TRIM49C: variants seen among roughly 807,000 people sequenced by gnomAD.
TRIM49C encodes tripartite motif-containing protein 49C.
Under a neutral mutation model 21.4 loss-of-function variants are expected in TRIM49C, and 6 were observed. The observed-to-expected ratio is 0.28, with a 90% confidence interval of 0.15 to 0.55. The LOEUF (loss-of-function observed/expected upper bound fraction) is 0.55. Ranked by LOEUF, TRIM49C falls within the 20% of genes least tolerant of loss-of-function variation. The pLI is 0.94. For missense variants in TRIM49C, 161 were observed against 442.4 expected (o/e 0.36, Z 5.71); for synonymous variants, 57 against 148.1 (o/e 0.38, Z 4.47).
the TRIM49C span, among the ~76,000 whole-genome samples, chr11:90,059,976 G>A: frequency 2.9e-5 from 4 of 136,646 alleles, no homozygotes; most frequent in Non-Finnish European, 6.2e-5. Flanking sequence ...GAGTAATTTT[G>A]TATTAAGATC....
chr11:90,062,712 G>C, the TRIM49C span: 1 of 1,492,698 alleles, frequency 6.7e-7, no homozygotes, highest in East Asian at 2.5e-5. Context: ...CTTAGTCTCC[G>C]CATGGAGCAC....
the TRIM49C span, among the ~76,000 whole-genome samples, chr11:90,048,535 C>T: frequency 1.6e-5 from 2 of 127,080 alleles, no homozygotes; most frequent in African/African-American, 6.3e-5. Flanking sequence ...ATCACTGATA[C>T]CCTTTCTTCC....
At chr11:90,054,559 A>T in the TRIM49C span, among the ~76,000 whole-genome samples, 1,606 of 135,726 alleles carry the variant, frequency 0.012, 202 homozygotes, top group Non-Finnish European at 0.017. Context: ...CTCCATAAAA[A>T]ATCTGTAACC....
chr11:90,033,750 C>G (rs1295284104), intron 2 of TRIM49C, among the ~76,000 whole-genome samples: 1 of 132,312 alleles, frequency 7.6e-6, no homozygotes. Flanking sequence ...TCAAGTGCAG[C>G]CTGGCCAAGA....
At chr11:90,069,191 G>A in the TRIM49C span, among the ~76,000 whole-genome samples, 4 of 129,496 alleles carry the variant, frequency 3.1e-5, no homozygotes, top group South Asian at 2.8e-4. Context: ...TGCAAGCTCC[G>A]CCTCCCGGGT....
chr11:90,051,956 T>G, the TRIM49C span: 33 of 1,063,256 alleles, frequency 3.1e-5, 6 homozygotes, highest in Middle Eastern at 5.6e-4. Context: ...CACTTGGGTA[T>G]CTGCAGGTGG....
the TRIM49C span, among the ~76,000 whole-genome samples, chr11:90,067,807 C>A: frequency 2.2e-5 from 3 of 138,734 alleles, 1 homozygote; most frequent in African/African-American, 5.2e-5. Context: ...ATTTAATATT[C>A]ATTAATGGAA....
intron 6 of TRIM49C, among the ~76,000 whole-genome samples, chr11:90,039,264 A>G (rs1426819346): frequency 8.9e-6 from 1 of 112,418 alleles, no homozygotes; most frequent in Non-Finnish European, 1.8e-5. Flanking sequence ...GAGAAAGATA[A>G]GAGTTTTGTT....
the TRIM49C span, among the ~76,000 whole-genome samples, chr11:90,048,533 T>G: frequency 7.9e-6 from 1 of 126,906 alleles, no homozygotes; most frequent in African/African-American, 3.2e-5. Flanking sequence ...CAATCACTGA[T>G]ACCCTTTCTT....
chr11:90,042,551 C>T (rs1365922212), downstream of TRIM49C, among the ~76,000 whole-genome samples: 3 of 122,352 alleles, frequency 2.5e-5, no homozygotes, highest in African/African-American at 9.5e-5. Flanking sequence ...TGCTCACTTT[C>T]ATTAGTCTTA....
the TRIM49C span, among the ~76,000 whole-genome samples, chr11:90,055,076 T>A: frequency 6.8e-6 from 1 of 146,600 alleles, no homozygotes; most frequent in Admixed American, 7.0e-5. Flanking sequence ...TGAATAATTT[T>A]ATCATCTCAG....
rs1202867796 is a variant in TRIM49C at position 90,032,624 on chromosome 11, A to C, written c.-5+42A>C. The C allele has an allele frequency of 4.2e-4, 54 of 128,488 alleles. 14 individuals carry two copies. The highest frequency in any genetic ancestry group is 2.1e-3 in the African/African-American group (54 of 25,632). 8.0% of individuals were successfully genotyped at this position (128,488 alleles called of 1,614,324 possible). On this transcript the variant is annotated intron_variant, in intron 2 of 7. Transcript: ENST00000448984. Reference sequence around the variant, plus strand: ...GATAAAATTATATCATCTTTCCTTTACACAATAATAAATTAGAGTGTTAAA... The same window carrying C: ...GATAAAATTATATCATCTTTCCTTTCCACAATAATAAATTAGAGTGTTAAA...
the TRIM49C span, among the ~76,000 whole-genome samples, chr11:90,062,351 C>A: frequency 7.6e-6 from 1 of 131,520 alleles, no homozygotes; most frequent in Non-Finnish European, 1.6e-5. Context: ...CTCCACAGCT[C>A]CATTCTATAT....
chr11:90,070,626 C>T, the TRIM49C span, among the ~76,000 whole-genome samples: 1 of 139,582 alleles, frequency 7.2e-6, no homozygotes, highest in Non-Finnish European at 1.5e-5. Flanking sequence ...AGATGAAGCC[C>T]TGCCATCATT....
In TRIM49C at chr11:90,035,318, G is replaced by A. The variant is rs967815110; in HGVS notation, c.107G>A (p.Arg36Lys). ...VTIDCGHSFC[R>K]PCFYLNWQDI... ...ATAGACTGTGGGCACAGCTTTTGCA[G>A]GCCTTGTTTCTACCTCAACTGGCAA... The change falls in exon 3 of 8, where the codon AGG (arginine) becomes AAG (lysine). Residue 36 changes from arginine (R) to lysine (K), a missense_variant. Physicochemically the swap from Arg to Lys is conservative, Grantham distance 26 (BLOSUM62 2). This residue lies in a region of TRIM49C where 80 missense variants were observed against 314.8 expected (regional missense o/e 0.25). Coordinates refer to ENST00000448984, the MANE Select transcript of TRIM49C (RefSeq NM_001195234.1). The A allele has an allele frequency of 3.9e-6, 6 of 1,539,498 alleles. No homozygotes were observed. In the South Asian group the frequency reaches 4.7e-5, roughly 12 times the overall value.
chr11:90,071,847 T>C, the TRIM49C span: 1 of 710,904 alleles, frequency 1.4e-6, no homozygotes, highest in Middle Eastern at 4.5e-4. Flanking sequence ...GTTATGGTTT[T>C]CTATGGGCAG....
chr11:90,046,103 A>T (rs1488050284), downstream of TRIM49C, among the ~76,000 whole-genome samples: 1 of 121,106 alleles, frequency 8.3e-6, no homozygotes, highest in Non-Finnish European at 1.7e-5. Flanking sequence ...CGTATGTTGA[A>T]CCAGCCTTGG....
chr11:90,053,975 T>A, the TRIM49C span, among the ~76,000 whole-genome samples: 4 of 142,324 alleles, frequency 2.8e-5, 1 homozygote, highest in East Asian at 8.6e-4. Flanking sequence ...TACTCTTTTT[T>A]AAAATTCTCA....
intron 6 of TRIM49C, among the ~76,000 whole-genome samples, chr11:90,038,963 A>AG (rs1950747485): frequency 7.2e-6 from 1 of 138,064 alleles, no homozygotes; most frequent in Admixed American, 8.3e-5. Flanking sequence ...TCTGTCGCCC[A>AG]GGCTGGAGTG....
Sources: gnomAD v4.1 joint callset for allele counts (sites outside exome capture counted in the v4.1 genomes callset) on GRCh38, gnomAD v4.1.1 for gene constraint, gnomAD v4.1.1 regional missense constraint, MANE v1.5 for transcripts, NCBI Gene and HGNC (gene_info 2026-07-23, HGNC 2026-07-21) for gene names.